Variants in GFPT1 observed in about 807,000 individuals in gnomAD.
GFPT1 encodes the protein glutamine--fructose-6-phosphate aminotransferase [isomerizing] 1.
Under a neutral mutation model 92.0 loss-of-function variants are expected in GFPT1, and 40 were observed. The ratio of observed to expected loss-of-function variants is 0.43; its 90% CI spans 0.34 to 0.57. The LOEUF is 0.57. GFPT1 is among the 20% of genes least tolerant of loss of function. The pLI is 0.02. For missense variants in GFPT1, 448 were observed against 869.1 expected (o/e 0.52, Z 6.09); for synonymous variants, 269 against 280.6 (o/e 0.96, Z 0.41).
intron 15 of GFPT1, among the ~76,000 whole-genome samples, chr2:69,330,535 A>AT (rs1670634727): frequency 6.8e-6 from 1 of 147,232 alleles, no homozygotes; most frequent in Non-Finnish European, 1.5e-5. Flanking sequence ...ACCTTTGCCT[A>AT]TTGCCTGTTC....
At chr2:69,384,344 A>T (rs962283238) in intron 1 of GFPT1, among the ~76,000 whole-genome samples, 7 of 152,364 alleles carry the variant, frequency 4.6e-5, no homozygotes, top group Middle Eastern at 3.4e-3. Context: ...ATCTGATTGA[A>T]AAAAAGCACA....
intron 1 of GFPT1, among the ~76,000 whole-genome samples, chr2:69,377,485 CTAAAAA>C (rs1376781722): frequency 1.5e-4 from 12 of 79,678 alleles, no homozygotes; most frequent in African/African-American, 4.9e-4. Context: ...CCCGTCTCTA[CTAAAAA>C]TAAAAATAAA....
chr2:69,329,612 A>T (rs1670611911), intron 16 of GFPT1, 72 bp downstream of exon 16: 2 of 1,088,310 alleles, frequency 1.8e-6, no homozygotes, highest in Non-Finnish European at 2.9e-6. Flanking sequence ...CCACAGCTTC[A>T]AGGATAAGAG....
At chr2:69,354,619 CTAA>C (rs770772106) in intron 7 of GFPT1, 51 bp from the exon 8 acceptor site, 2 of 1,041,746 alleles carry the variant, frequency 1.9e-6, no homozygotes, top group Admixed American at 1.7e-5. Context: ...AAATAATGGA[CTAA>C]TGACATAAAA....
chr2:69,359,210 A>T, intron 5 of GFPT1, 58 bp downstream of exon 5: 1 of 878,234 alleles, frequency 1.1e-6, no homozygotes, highest in South Asian at 1.3e-5. Context: ...AACCGACCCC[A>T]GTGCTCTCGT....
chr2:69,377,069 A>C (rs1287440024), intron 1 of GFPT1, among the ~76,000 whole-genome samples: 1 of 152,020 alleles, frequency 6.6e-6, no homozygotes, highest in Non-Finnish European at 1.5e-5. Flanking sequence ...TTAGCCAGGC[A>C]TGATGGCAGG....
At chr2:69,336,773 G>T (rs186956672) in intron 15 of GFPT1, among the ~76,000 whole-genome samples, 8 of 152,100 alleles carry the variant, frequency 5.3e-5, no homozygotes, top group Admixed American at 4.6e-4. Flanking sequence ...CCCAGCCTGG[G>T]TGACAAAACA....
chr2:69,356,967 G>A (rs543076330), intron 6 of GFPT1, among the ~76,000 whole-genome samples: 7 of 152,160 alleles, frequency 4.6e-5, no homozygotes, highest in Non-Finnish European at 1.0e-4. Context: ...TCTTGACCTC[G>A]TGATCTGCCC....
chr2:69,350,234 A>C (rs1460479342), intron 9 of GFPT1, 51 bp from the exon 10 acceptor site: 1 of 1,129,832 alleles, frequency 8.9e-7, no homozygotes, highest in Non-Finnish European at 1.3e-6. Context: ...AATCATGTCC[A>C]ATGTAGAAAT....
At position 69,356,801 on chromosome 2, in the gene GFPT1, G is replaced by A. The variant is rs186755099; in HGVS notation, c.544-244C>T. On this transcript the variant is annotated intron_variant, in intron 6 of 19. Transcript: ENST00000357308. Reference sequence around the variant, plus strand: ...TGACCAGGCTGGGGTGCAGTGGCACGATCTCGGCTCACTGCAACCCCCAAC... The same window carrying A: ...TGACCAGGCTGGGGTGCAGTGGCACAATCTCGGCTCACTGCAACCCCCAAC... 6.2e-3 allele frequency among the ~76,000 whole-genome samples: 939 copies of A among 150,332 alleles called. 7 individuals carry two copies. The highest frequency in any genetic ancestry group is 0.022 in the African/African-American group (904 of 40,740).
chr2:69,358,605 C>G, intron 5 of GFPT1, 142 bp from the exon 6 acceptor site: 1 of 670,728 alleles, frequency 1.5e-6, no homozygotes, highest in Non-Finnish European at 2.6e-6. Flanking sequence ...ATTAAAGTCA[C>G]CAGCTGATCA....
At chr2:69,363,078 T>C (rs1156671865) in intron 4 of GFPT1, among the ~76,000 whole-genome samples, 7 of 152,116 alleles carry the variant, frequency 4.6e-5, no homozygotes, top group African/African-American at 1.7e-4. Flanking sequence ...AAACCCCGTC[T>C]CTACTAAAAA....
chr2:69,380,245 A>G (rs6713769), intron 1 of GFPT1, among the ~76,000 whole-genome samples: 100,739 of 151,876 alleles, frequency 0.66, 34,928 homozygotes, highest in African/African-American at 0.88. Flanking sequence ...GCTGAGGCAG[A>G]AGAATCACTT....
chr2:69,327,082 A>T lies in GFPT1; in HGVS notation c.1894-7T>A. Reference sequence around the variant, plus strand: ...AAATTACCACAGGCCGCCCCTAGGAAAGAAAATCACACACATACACAACAT... The same window carrying T: ...AAATTACCACAGGCCGCCCCTAGGATAGAAAATCACACACATACACAACAT... On this transcript the variant is annotated splice_region_variant and splice_polypyrimidine_tract_variant and intron_variant, in intron 18 of 19. Transcript: ENST00000357308. The T allele has an allele frequency of 6.2e-7, 1 of 1,613,758 alleles. No homozygotes were observed. Among genetic ancestry groups the T allele is most frequent in the Non-Finnish European group, 8.5e-7 (1 of 1,179,822 alleles).
At chr2:69,387,003 C>T in intron 1 of GFPT1, 62 bp downstream of exon 1, 1 of 1,306,072 alleles carries the variant, frequency 7.7e-7, no homozygotes, top group Non-Finnish European at 1.1e-6. Flanking sequence ...TGGGCCTTAG[C>T]GGCACCCGCA....
At chr2:69,338,802 C>CTTTTTTTTT (rs58220809) in intron 13 of GFPT1, among the ~76,000 whole-genome samples, 3 of 131,800 alleles carry the variant, frequency 2.3e-5, no homozygotes, top group Non-Finnish European at 4.7e-5. Flanking sequence ...GTATACATTC[C>CTTTTTTTTT]TTTTTTTTTT....
chr2:69,334,614 T>C (rs975376441), intron 15 of GFPT1: 1 of 152,106 alleles, frequency 6.6e-6, no homozygotes, highest in African/African-American at 2.4e-5. Context: ...AGTCCAATAG[T>C]GGGTCACTAG....
At chr2:69,333,940 G>A (rs566124395) in intron 15 of GFPT1, among the ~76,000 whole-genome samples, 91 of 152,244 alleles carry the variant, frequency 6.0e-4, no homozygotes, top group African/African-American at 2.1e-3. Context: ...GGTGGATCAC[G>A]TGGTCAGGAG....
intron 1 of GFPT1, among the ~76,000 whole-genome samples, chr2:69,385,572 C>T (rs1672111921): frequency 6.6e-6 from 1 of 151,614 alleles, no homozygotes; most frequent in South Asian, 2.1e-4. Context: ...ACTTTGACTA[C>T]GTTTTTTTCT....
Sources: allele counts gnomAD v4.1 joint callset (sites outside exome capture counted in the v4.1 genomes callset), GRCh38; gene constraint gnomAD v4.1.1; transcripts MANE v1.5; gene names NCBI Gene and HGNC (gene_info 2026-07-23, HGNC 2026-07-21).